PROSER2: variants seen among roughly 807,000 people sequenced by gnomAD.
The protein encoded by PROSER2 is proline and serine-rich protein 2.
Under a neutral mutation model 14.6 loss-of-function variants are expected in PROSER2, and 18 were observed. The observed-to-expected ratio is 1.23, with a 90% CI of 0.85 to 1.83. The LOEUF (loss-of-function observed/expected upper bound fraction) is 1.83. PROSER2 is among the 40% of genes most tolerant of loss of function. The probability of loss-of-function intolerance (pLI) is 0.00; values close to 1 mark genes in which losing one functional copy is unlikely to be tolerated. For missense variants in PROSER2, 823 were observed against 629.8 expected, an observed-to-expected ratio of 1.31 and a Z score of -3.28; for synonymous variants, 367 against 286.4, an observed-to-expected ratio of 1.28 and a Z score of -2.84.
rs1011495530 is a variant in PROSER2, at chr10:11,865,761, G to A, written c.139-770G>A. Among the ~76,000 whole-genome samples, 3 of 152,104 alleles carry A rather than the reference G, an allele frequency of 2.0e-5. No homozygotes were observed. Among genetic ancestry groups the A allele is most frequent in the Non-Finnish European group, 4.4e-5 (3 of 68,018 alleles). ...GCTTTGCTCCGTGGCCCCACTTCAG[G>A]GTTCCTCTGTCACCTTTTTCGAGAG... On this transcript the variant is annotated intron_variant, in intron 2 of 3. Transcript: ENST00000277570. This position sits in a 1 kb window ranked among gnomAD's most constrained non-coding sequence, Gnocchi z 4.2.
At chr10:11,839,762 T>G (rs972948111) in intron 1 of PROSER2, among the ~76,000 whole-genome samples, 1 of 147,718 alleles carries the variant, frequency 6.8e-6, no homozygotes, top group African/African-American at 2.5e-5. Context: ...GAGGCAGAGG[T>G]TGCAGTGAGC....
Position 11,869,335 on chromosome 10 carries a change from C to A in PROSER2, c.392-155C>A. The A allele has an allele frequency of 1.6e-6, 1 of 632,794 alleles. No individual in the cohort carries two copies. Among genetic ancestry groups the A allele is most frequent in the Non-Finnish European group, 2.9e-6 (1 of 349,924 alleles). The allele number at this position is 632,794 out of a possible 1,614,324, so 39.2% of individuals were successfully genotyped here. A position where few individuals can be genotyped will look rare whatever the true frequency, so the allele number is the denominator to read the frequency against. On this transcript the variant is annotated intron_variant, in intron 3 of 3. Transcript: ENST00000277570. This position sits in a 1 kb window ranked among gnomAD's most constrained non-coding sequence, Gnocchi z 4.4. ...ACATACCACCTTCTCCTTCCCTAGT[C>A]CCAGGAACAGGGAGAGAGGAGTTGA...
chr10:11,834,983 T>C lies in PROSER2; in HGVS notation c.-82+11513T>C, dbSNP rs573513363. On this transcript the variant is annotated intron_variant, in intron 1 of 3. Coordinates refer to ENST00000277570, the MANE Select transcript of PROSER2 (RefSeq NM_153256.4). Reference sequence around the variant, plus strand: ...TTAGCCAGGCATGGTGGCAGGTGCCTGTAATCCTAGCTACTTGGGAGGCTG... The same window carrying C: ...TTAGCCAGGCATGGTGGCAGGTGCCCGTAATCCTAGCTACTTGGGAGGCTG... 1.5e-4 allele frequency among the ~76,000 whole-genome samples: 23 copies of C among 152,024 alleles called. No homozygotes were observed. The South Asian group carries it at 4.8e-3, about 32-fold the overall frequency.
At chr10:11,835,339 G>A (rs1370501532) in intron 1 of PROSER2, among the ~76,000 whole-genome samples, 2 of 152,082 alleles carry the variant, frequency 1.3e-5, no homozygotes, top group African/African-American at 4.8e-5. Flanking sequence ...GGCTAGGTGT[G>A]TGAACGTAGA....
chr10:11,860,085 C>T (rs1306235574), intron 2 of PROSER2, among the ~76,000 whole-genome samples: 1 of 152,236 alleles, frequency 6.6e-6, no homozygotes, highest in Non-Finnish European at 1.5e-5. Context: ...TCCGGGTTCA[C>T]TGTGGAAGGT....
intron 1 of PROSER2, among the ~76,000 whole-genome samples, chr10:11,846,211 T>C (rs1833921517): frequency 6.6e-6 from 1 of 152,172 alleles, no homozygotes; most frequent in Non-Finnish European, 1.5e-5. Context: ...GGTCTCGAAC[T>C]CCTGACCTCA....
rs1475020356 is a variant in PROSER2, at chr10:11,838,657, GA to G, written c.-81-13339del. Among the ~76,000 whole-genome samples, 2 of 152,192 alleles carry G rather than the reference GA, an allele frequency of 1.3e-5. No individual in the cohort carries two copies. The highest frequency in any genetic ancestry group is 4.8e-5 in the African/African-American group (2 of 41,446). On this transcript the variant is annotated intron_variant, in intron 1 of 3. Coordinates refer to ENST00000277570, the MANE Select transcript of PROSER2 (RefSeq NM_153256.4). This position sits in a 1 kb window ranked among gnomAD's most constrained non-coding sequence, Gnocchi z 4.4. ...ACCAAGGTTGACCCACATTCTTGCT[GA>G]CACTTGTTATTTTTTGTCTAATTTT... is the stretch of plus-strand genomic sequence containing the variant.
Position 11,839,225 on chromosome 10 carries a change from A to G in PROSER2, c.-81-12772A>G, listed in dbSNP as rs981050429. 5.3e-5 allele frequency among the ~76,000 whole-genome samples: 8 copies of G among 152,324 alleles called. No individual in the cohort carries two copies. The East Asian group carries it at 1.5e-3, about 29-fold the overall frequency. On this transcript the variant is annotated intron_variant, in intron 1 of 3. Coordinates refer to ENST00000277570, the MANE Select transcript of PROSER2 (RefSeq NM_153256.4). The stretch of plus-strand genomic sequence containing the variant: ...TACTCCACACATTACACTGACATAA[A>G]TCCAAGGCAGATCAGATATTTAAAT...
chr10:11,852,312 T>C lies in PROSER2; in HGVS notation c.138+97T>C. 4.5e-6 allele frequency: 6 copies of C among 1,322,032 alleles called. 1 individual carries two copies. The South Asian group carries it at 9.2e-5, about 20-fold the overall frequency. The allele number at this position is 1,322,032 out of a possible 1,614,324, so 81.9% of individuals were successfully genotyped here. ...GAAGGAATATTTTACCAGATCTTTT[T>C]GGGTCAACTAGCTTGATGTTCTGGA... is the stretch of plus-strand genomic sequence containing the variant. On this transcript the variant is annotated intron_variant, in intron 2 of 3. Coordinates refer to ENST00000277570, the MANE Select transcript of PROSER2 (RefSeq NM_153256.4).
intron 1 of PROSER2, 130 bp from the exon 2 acceptor site, chr10:11,851,866 GT>G (rs1310509079): frequency 2.4e-6 from 1 of 408,624 alleles, no homozygotes; most frequent in Non-Finnish European, 4.2e-6. Context: ...TTGACTTAGC[GT>G]TTCCCAATCG....
rs937055267 is a variant in PROSER2 at position 11,838,909 on chromosome 10, A to G, written c.-81-13088A>G. Among the ~76,000 whole-genome samples, 2 of 152,238 alleles carry G rather than the reference A, an allele frequency of 1.3e-5. No homozygotes were observed. Among genetic ancestry groups the G allele is most frequent in the African/African-American group, 4.8e-5 (2 of 41,464 alleles). ...TCCTTATACGTATTAGACATAGTAC[A>G]TATCTTCTATGAGCTGGCAGCTTTT... is the stretch of plus-strand genomic sequence containing the variant. On this transcript the variant is annotated intron_variant, in intron 1 of 3. Coordinates refer to ENST00000277570, the MANE Select transcript of PROSER2 (RefSeq NM_153256.4). The surrounding 1 kb of genome is among the most constrained non-coding windows in gnomAD (Gnocchi z 4.4).
At chr10:11,829,026 A>G (rs917784795) in intron 1 of PROSER2, among the ~76,000 whole-genome samples, 20 of 152,054 alleles carry the variant, frequency 1.3e-4, no homozygotes, top group African/African-American at 4.8e-4. Flanking sequence ...GGAGTCAGTT[A>G]TTATGCCGCA....
intron 1 of PROSER2, among the ~76,000 whole-genome samples, chr10:11,829,752 GT>G (rs947206970): frequency 1.5e-4 from 23 of 151,176 alleles, no homozygotes; most frequent in African/African-American, 5.3e-4. Context: ...AATGCCAGCA[GT>G]ATCACTTTAA....
intron 1 of PROSER2, among the ~76,000 whole-genome samples, chr10:11,833,479 T>C (rs1833716278): frequency 6.6e-6 from 1 of 151,708 alleles, no homozygotes; most frequent in Non-Finnish European, 1.5e-5. Flanking sequence ...TCACCTGAGG[T>C]CAGGAGTTCG....
rs1160436327 is a variant in PROSER2 at position 11,871,889 on chromosome 10, TATA to T, written c.*1486_*1488del. The T allele has an allele frequency of 1.3e-5, 2 of 152,256 alleles. No homozygotes were observed. Among genetic ancestry groups the T allele is most frequent in the Non-Finnish European group, 2.9e-5 (2 of 68,042 alleles). The allele number at this position is 152,256 out of a possible 1,614,324, so 9.4% of individuals were successfully genotyped here. ...TTGTAAGTTATATAAAGTGCATGAT[TATA>T]ATTTTTTCCTTAGAAATGCAATATT... is the stretch of plus-strand genomic sequence containing the variant. On this transcript the variant is annotated 3_prime_UTR_variant, in exon 4 of 4. Transcript: ENST00000277570.
rs1211050713 is a variant in PROSER2 at position 11,870,630 on chromosome 10, G to A, written c.*224G>A. 2 of 459,838 alleles carry A rather than the reference G, an allele frequency of 4.3e-6. No homozygotes were observed. Among genetic ancestry groups the A allele is most frequent in the Non-Finnish European group, 7.9e-6 (2 of 254,516 alleles). The allele number at this position is 459,838 out of a possible 1,614,324, so 28.5% of individuals were successfully genotyped here. On this transcript the variant is annotated 3_prime_UTR_variant, in exon 4 of 4. Transcript: ENST00000277570. Reference sequence around the variant, plus strand: ...GAGAACTCTTCCCTAAAGGAATCTGGCCGAGGGCTTGTCTCCCTTTTCCCA... The same window carrying A: ...GAGAACTCTTCCCTAAAGGAATCTGACCGAGGGCTTGTCTCCCTTTTCCCA...
chr10:11,844,907 C>T (rs1403324220), intron 1 of PROSER2, among the ~76,000 whole-genome samples: 1 of 152,234 alleles, frequency 6.6e-6, no homozygotes, highest in African/African-American at 2.4e-5. Flanking sequence ...CAGGCATAAG[C>T]CACCACTCCC....
At chr10:11,833,377 C>CA (rs1480533420) in intron 1 of PROSER2, among the ~76,000 whole-genome samples, 4 of 151,020 alleles carry the variant, frequency 2.6e-5, no homozygotes, top group Admixed American at 6.6e-5. Flanking sequence ...ACCCCATCTC[C>CA]AAAAAAATTT....
intron 2 of PROSER2, among the ~76,000 whole-genome samples, chr10:11,864,821 T>C (rs1423367667): frequency 6.6e-6 from 1 of 152,162 alleles, no homozygotes; most frequent in Non-Finnish European, 1.5e-5. Context: ...ACTCTGGAGC[T>C]CGAGTGATCC....
Sources: allele counts gnomAD v4.1 joint callset (sites outside exome capture counted in the v4.1 genomes callset), GRCh38; gene constraint gnomAD v4.1.1; non-coding constraint Gnocchi (gnomAD v3.1); transcripts MANE v1.5; gene names NCBI Gene and HGNC (gene_info 2026-07-23, HGNC 2026-07-21).